Variants in RELN observed in about 807,000 individuals in gnomAD.
RELN encodes the protein reelin.
In RELN, 108 loss-of-function variants were observed where a neutral mutation model predicts 427.6. The observed-to-expected ratio is 0.25, with a 90% CI of 0.22 to 0.30. RELN has a LOEUF of 0.30. Among genes scored for constraint, RELN ranks in the 10% least tolerant of loss-of-function variants. RELN has a pLI of 1.00. For synonymous variants in RELN, 1,524 were observed against 1,513.4 expected (o/e 1.01, Z -0.16); for missense variants, 3,715 against 4,302.8 (o/e 0.86, Z 3.82).
At chr7:103,752,191 T>C (rs1459700031) in intron 5 of RELN, among the ~76,000 whole-genome samples, 1 of 152,186 alleles carries the variant, frequency 6.6e-6, no homozygotes, top group African/African-American at 2.4e-5. Flanking sequence ...AATTCTACTT[T>C]GCAGATGAGA....
chr7:103,742,634 G>C (rs958128415), intron 6 of RELN, among the ~76,000 whole-genome samples: 1 of 152,210 alleles, frequency 6.6e-6, no homozygotes, highest in Admixed American at 6.5e-5. Flanking sequence ...AGCCTCAGTA[G>C]CCAATGCGAT....
chr7:103,933,259 G>C (rs1165076127), intron 1 of RELN, among the ~76,000 whole-genome samples: 1 of 152,106 alleles, frequency 6.6e-6, no homozygotes, highest in Non-Finnish European at 1.5e-5. Flanking sequence ...CTTTGTTTTT[G>C]AGATAATTAT....
intron 42 of RELN, among the ~76,000 whole-genome samples, 189 bp downstream of exon 42, chr7:103,544,935 T>G (rs1830254944): frequency 6.6e-6 from 1 of 152,232 alleles, no homozygotes; most frequent in East Asian, 1.9e-4. Context: ...GTATCAGTAT[T>G]TCACTCACTG....
chr7:103,670,667 G>C (rs1419396874), intron 11 of RELN, among the ~76,000 whole-genome samples: 1 of 151,882 alleles, frequency 6.6e-6, no homozygotes, highest in Non-Finnish European at 1.5e-5. Context: ...TTTGCAGTAA[G>C]CAAATAATTT....
chr7:103,630,093 C>T lies in RELN; in HGVS notation c.2549G>A (p.Arg850Lys). Residue 850 changes from arginine (R) to lysine (K), a missense_variant, in exon 20 of 65, where the codon AGA becomes AAA. Transcript: ENST00000428762. ...CTCATCAATAGCCCATACATCTTCT[C>T]TCTGGGAAGAATGATACGGTTGCCA... The part of the protein sequence containing the change: ...RWWQPYHSSQ[R>K]EDVWAIDEII... The T allele has an allele frequency of 2.5e-6, 4 of 1,613,678 alleles. No homozygotes were observed. Among genetic ancestry groups the T allele is most frequent in the Non-Finnish European group, 3.4e-6 (4 of 1,179,718 alleles).
At chr7:103,543,577 C>T (rs539470426) in intron 42 of RELN, among the ~76,000 whole-genome samples, 8 of 151,938 alleles carry the variant, frequency 5.3e-5, no homozygotes, top group South Asian at 4.1e-4. Context: ...ACCCGGGAGG[C>T]GGAGGTGGCA....
intron 1 of RELN, among the ~76,000 whole-genome samples, chr7:103,965,142 C>T (rs940572536): frequency 1.1e-4 from 16 of 152,214 alleles, no homozygotes; most frequent in Admixed American, 4.6e-4. Context: ...GTCAGAGAAC[C>T]TTTATTACTT....
At chr7:103,829,722 G>A (rs949988816) in intron 3 of RELN, among the ~76,000 whole-genome samples, 1 of 151,850 alleles carries the variant, frequency 6.6e-6, no homozygotes, top group Non-Finnish European at 1.5e-5. Flanking sequence ...TGGCTAAGTG[G>A]TTTACCAATA....
chr7:103,969,000 T>C lies in RELN; in HGVS notation c.226+20131A>G, dbSNP rs768639417. ...CTCTCTGTGCCTTCATTATCTCAAA[T>C]GTAAAATAGGAATAATACTAGTACC... is the stretch of plus-strand genomic sequence containing the variant. On this transcript the variant is annotated intron_variant, in intron 1 of 64. Transcript: ENST00000428762. This position sits in a 1 kb window ranked among gnomAD's most constrained non-coding sequence, Gnocchi z 4.3. Among the ~76,000 whole-genome samples the C allele has an allele frequency of 1.3e-5, 2 of 152,182 alleles. No homozygotes were observed. The highest frequency in any genetic ancestry group is 4.8e-5 in the African/African-American group (2 of 41,450).
chr7:103,561,383 A>G, intron 36 of RELN, 149 bp downstream of exon 36: 1 of 737,730 alleles, frequency 1.4e-6, no homozygotes, highest in Non-Finnish European at 2.4e-6. Flanking sequence ...CACTCAGAAG[A>G]GGAAACATGG....
chr7:103,744,642 T>C (rs1240704740), intron 6 of RELN, among the ~76,000 whole-genome samples: 6 of 152,152 alleles, frequency 3.9e-5, no homozygotes, highest in Non-Finnish European at 4.4e-5. Flanking sequence ...AACACCTCTA[T>C]GCAAATAAAC....
intron 1 of RELN, among the ~76,000 whole-genome samples, chr7:103,960,002 C>T (rs1796514589): frequency 6.6e-6 from 1 of 152,142 alleles, no homozygotes; most frequent in Non-Finnish European, 1.5e-5. Flanking sequence ...CAAAAGCCTC[C>T]TAACGGGTCT....
chr7:103,825,659 C>T (rs1378911874), intron 3 of RELN, among the ~76,000 whole-genome samples: 1 of 152,034 alleles, frequency 6.6e-6, no homozygotes, highest in Non-Finnish European at 1.5e-5. Context: ...TTGTGCTACA[C>T]AACAGAACTT....
chr7:103,561,323 C>T (rs1454647209), intron 36 of RELN, among the ~76,000 whole-genome samples: 1 of 152,048 alleles, frequency 6.6e-6, no homozygotes, highest in Admixed American at 6.5e-5. Context: ...GGTCTGATCA[C>T]CAAAGCAGAG....
At chr7:103,733,810 G>C (rs1390376068) in intron 6 of RELN, among the ~76,000 whole-genome samples, 1 of 151,266 alleles carries the variant, frequency 6.6e-6, no homozygotes, top group African/African-American at 2.4e-5. Context: ...GGAGTGGGGA[G>C]GGATAGCATT....
intron 46 of RELN, among the ~76,000 whole-genome samples, chr7:103,530,867 C>A (rs1829922817): frequency 6.6e-6 from 1 of 152,152 alleles, no homozygotes; most frequent in African/African-American, 2.4e-5. Flanking sequence ...CAATGAAGCA[C>A]TAAATTATAT....
chr7:103,782,620 G>A (rs761876232), intron 3 of RELN, among the ~76,000 whole-genome samples: 6 of 151,906 alleles, frequency 3.9e-5, no homozygotes, highest in Non-Finnish European at 8.8e-5. Flanking sequence ...GGAATCAGAG[G>A]TATTTATATT....
chr7:103,684,881 G>A (rs111823329), intron 10 of RELN, among the ~76,000 whole-genome samples: 1 of 152,038 alleles, frequency 6.6e-6, no homozygotes, highest in Non-Finnish European at 1.5e-5. Context: ...AAATAGAAGA[G>A]CATTTCAATC....
chr7:103,880,466 T>A (rs10953394), intron 2 of RELN, among the ~76,000 whole-genome samples: 36,914 of 152,014 alleles, frequency 0.24, 4,627 homozygotes, highest in East Asian at 0.4. Context: ...ATATATTCAA[T>A]GTCCAGTTCA....
Sources: allele counts gnomAD v4.1 joint callset (sites outside exome capture counted in the v4.1 genomes callset), GRCh38; gene constraint gnomAD v4.1.1; non-coding constraint Gnocchi (gnomAD v3.1); transcripts MANE v1.5; gene names NCBI Gene and HGNC (gene_info 2026-07-23, HGNC 2026-07-21).